The following MCPH1 variants were observed in gnomAD, a reference collection of about 807,000 sequenced individuals.
MCPH1 encodes the protein microcephalin.
MCPH1 carries 104 observed loss-of-function variants against 84.5 expected under a neutral mutation model. That is an observed-to-expected ratio of 1.23 (90% CI 1.05 to 1.45). MCPH1 has a LOEUF of 1.45. MCPH1 is among the 40% of genes most tolerant of loss of function. The pLI is 0.00. For missense variants in MCPH1, 1,498 were observed against 1,005.7 expected, an observed-to-expected ratio of 1.49 and a Z score of -6.62; for synonymous variants, 514 against 366.8, an observed-to-expected ratio of 1.40 and a Z score of -4.58.
rs769448207 is a variant in MCPH1, at chr8:6,479,040, A to C, written c.1973+1409A>C. Reference sequence around the variant, plus strand: ...AGCACTTTGAGGGTCCCAGGTGGACATATTGTTTGAGCCTAGGAGTTCAAG... The same window carrying C: ...AGCACTTTGAGGGTCCCAGGTGGACCTATTGTTTGAGCCTAGGAGTTCAAG... On this transcript the variant is annotated intron_variant, in intron 10 of 13. Transcript: ENST00000344683. 4.6e-4 allele frequency among the ~76,000 whole-genome samples: 70 copies of C among 152,340 alleles called. No homozygotes were observed. In the Middle Eastern group the frequency reaches 0.01, roughly 22 times the overall value.
intron 12 of MCPH1, among the ~76,000 whole-genome samples, chr8:6,568,705 T>G (rs1358982905): frequency 6.6e-6 from 1 of 152,194 alleles, no homozygotes; most frequent in African/African-American, 2.4e-5. Flanking sequence ...TATACGGCAT[T>G]TTGTGCTGAC....
intron 12 of MCPH1, among the ~76,000 whole-genome samples, chr8:6,554,386 T>C (rs1169828038): frequency 6.6e-6 from 1 of 152,222 alleles, no homozygotes; most frequent in Non-Finnish European, 1.5e-5. Flanking sequence ...AAGCCAATTA[T>C]GATTATAATT....
Position 6,527,738 on chromosome 8 carries a change from C to T in MCPH1, c.2214+27809C>T, listed in dbSNP as rs982618412. ...TTTAATTAGTTTAACTTTCTAACTT[C>T]CTTTTCATTAAAGTACCCAAGCTAC... On this transcript the variant is annotated intron_variant, in intron 12 of 13. Transcript: ENST00000344683. The T allele has an allele frequency of 4.7e-5, 68 of 1,446,432 alleles. No individual in the cohort carries two copies. The African/African-American group carries it at 8.7e-4, about 19-fold the overall frequency. 89.6% of individuals were successfully genotyped at this position (1,446,432 alleles called of 1,614,324 possible).
chr8:6,429,570 C>A (rs1410989617), intron 3 of MCPH1, among the ~76,000 whole-genome samples: 1 of 151,752 alleles, frequency 6.6e-6, no homozygotes, highest in Non-Finnish European at 1.5e-5. Flanking sequence ...CCAGACAGCT[C>A]TTATCTACTC....
chr8:6,425,059 G>A (rs1372203685), intron 3 of MCPH1, among the ~76,000 whole-genome samples: 1 of 152,240 alleles, frequency 6.6e-6, no homozygotes, highest in Admixed American at 6.5e-5. Context: ...TGGCCCAGGT[G>A]AAGGCATCGT....
At chr8:6,564,008 G>C (rs1252119682) in intron 12 of MCPH1, among the ~76,000 whole-genome samples, 1 of 131,816 alleles carries the variant, frequency 7.6e-6, no homozygotes, top group Non-Finnish European at 1.6e-5. Context: ...TTGAGACGGA[G>C]TCTCGCTCTG....
At position 6,640,293 on chromosome 8, in the gene MCPH1, G is replaced by A. The variant is rs545286279; in HGVS notation, c.2453-2701G>A. On this transcript the variant is annotated intron_variant, in intron 13 of 13. Coordinates refer to ENST00000344683, the MANE Select transcript of MCPH1 (RefSeq NM_024596.5). ...GTGTACTTAAATTCTGATACACAAG[G>A]CTGCAGCAATTTACACTATTACTAA... 2.6e-3 allele frequency among the ~76,000 whole-genome samples: 393 copies of A among 152,118 alleles called. 2 individuals are homozygous for A. Among genetic ancestry groups the A allele is most frequent in the African/African-American group, 9.1e-3 (377 of 41,476 alleles).
chr8:6,598,013 A>C (rs1306455859), intron 12 of MCPH1, among the ~76,000 whole-genome samples: 1 of 152,212 alleles, frequency 6.6e-6, no homozygotes, highest in Admixed American at 6.5e-5. Context: ...CCACATTTCC[A>C]GATGACGATG....
rs1808654282 is a variant in MCPH1 at position 6,477,628 on chromosome 8, C to G, written c.1970C>G (p.Ser657Cys). The G allele has an allele frequency of 6.2e-7, 1 of 1,612,220 alleles. No homozygotes were observed. Among genetic ancestry groups the G allele is most frequent in the Non-Finnish European group, 8.5e-7 (1 of 1,178,582 alleles). Residue 657 changes from serine to cysteine, a missense_variant, in exon 10 of 14, where the codon TCT becomes TGT. By Grantham distance (112) the Ser-to-Cys change is moderately radical (BLOSUM62 -1). Coordinates refer to ENST00000344683, the MANE Select transcript of MCPH1 (RefSeq NM_024596.5). ...ACATTAGTCATGACAAGCATGCCAT[C>G]TGAGTAAGTACTTGTTTTGATTTCT... The part of the protein sequence containing the change: ...TRTLVMTSMP[S>C]EKQNVVIQVV...
Position 6,572,181 on chromosome 8 carries a change from C to T in MCPH1, c.2215-49273C>T, listed in dbSNP as rs1278429267. 1.7e-4 allele frequency among the ~76,000 whole-genome samples: 3 copies of T among 17,672 alleles called. No homozygotes were observed. The East Asian group carries it at 6.6e-3, about 39-fold the overall frequency. The allele number at this position is 17,672 out of a possible 152,430, so 11.6% of individuals were successfully genotyped here. A position where few individuals can be genotyped will look rare whatever the true frequency, so the allele number is the denominator to read the frequency against. ...TACCAAGTTCTTGACATCGGTTTCC[C>T]TCAAGAAAAAAAAAAAATGAGTAAC... On this transcript the variant is annotated intron_variant, in intron 12 of 13. Coordinates refer to ENST00000344683, the MANE Select transcript of MCPH1 (RefSeq NM_024596.5).
intron 12 of MCPH1, among the ~76,000 whole-genome samples, chr8:6,566,972 A>C (rs6990203): frequency 2.2e-5 from 1 of 46,264 alleles, no homozygotes; most frequent in Non-Finnish European, 4.3e-5. Flanking sequence ...CATGGATAGT[A>C]CACGCGGTGC....
intron 12 of MCPH1, chr8:6,507,974 A>T (rs560803137): frequency 2.0e-5 from 3 of 152,144 alleles, no homozygotes; most frequent in Non-Finnish European, 2.9e-5. Flanking sequence ...GACTACTACA[A>T]TGGTTTTTGG....
intron 12 of MCPH1, among the ~76,000 whole-genome samples, chr8:6,608,575 T>C (rs140632768): frequency 3.8e-4 from 58 of 152,322 alleles, no homozygotes; most frequent in African/African-American, 9.9e-4. Flanking sequence ...TTGTTAGAGA[T>C]ATGGACCCGC....
intron 3 of MCPH1, among the ~76,000 whole-genome samples, chr8:6,428,819 T>C (rs1480114188): frequency 1.3e-5 from 2 of 152,284 alleles, no homozygotes; most frequent in Non-Finnish European, 2.9e-5. Context: ...GGTCTCTTTC[T>C]TGACCCTTTT....
intron 12 of MCPH1, among the ~76,000 whole-genome samples, chr8:6,503,857 C>G (rs1490530002): frequency 1.3e-5 from 2 of 152,080 alleles, no homozygotes. Flanking sequence ...GGAGTGAAGC[C>G]CCATCTGCAC....
chr8:6,439,371 T>TA (rs1253592555), intron 6 of MCPH1, among the ~76,000 whole-genome samples: 9 of 75,922 alleles, frequency 1.2e-4, no homozygotes, highest in Non-Finnish European at 2.5e-4. Context: ...TTCTTTTTTT[T>TA]TAAAAAAAAA....
intron 12 of MCPH1, among the ~76,000 whole-genome samples, chr8:6,533,962 T>C (rs1056305489): frequency 2.6e-5 from 4 of 152,162 alleles, no homozygotes; most frequent in African/African-American, 7.2e-5. Flanking sequence ...CAGATGGTTT[T>C]AGGATTAGGC....
chr8:6,524,581 G>C (rs1352515932), intron 12 of MCPH1, among the ~76,000 whole-genome samples: 1 of 152,210 alleles, frequency 6.6e-6, no homozygotes, highest in Admixed American at 6.5e-5. Flanking sequence ...GTTTAACAGA[G>C]ATGTATTGAA....
In MCPH1 at chr8:6,443,062, G is replaced by T. The variant is rs796455848; in HGVS notation, c.670+906G>T. Among the ~76,000 whole-genome samples, 4 of 152,248 alleles carry T rather than the reference G, an allele frequency of 2.6e-5. No individual in the cohort carries two copies. In the South Asian group the frequency reaches 6.2e-4, roughly 24 times the overall value. ...CATTGATTTCATTTTTGTTGTTGTAGGCACTCCTCTAAGTGTCTTATTCAC... is the reference window on the plus strand; with the variant it reads ...CATTGATTTCATTTTTGTTGTTGTATGCACTCCTCTAAGTGTCTTATTCAC... On this transcript the variant is annotated intron_variant, in intron 7 of 13. Coordinates refer to ENST00000344683, the MANE Select transcript of MCPH1 (RefSeq NM_024596.5).
Sources: allele counts gnomAD v4.1 joint callset (sites outside exome capture counted in the v4.1 genomes callset), GRCh38; gene constraint gnomAD v4.1.1; transcripts MANE v1.5; gene names NCBI Gene and HGNC (gene_info 2026-07-23, HGNC 2026-07-21).